Variants in CNTN4 observed in about 807,000 individuals in gnomAD.
The protein encoded by CNTN4 is contactin 4.
Under a neutral mutation model 122.5 loss-of-function variants are expected in CNTN4, and 77 were observed. That is an observed-to-expected ratio of 0.63 (90% CI 0.52 to 0.76). The LOEUF (loss-of-function observed/expected upper bound fraction) is 0.76. CNTN4 is among the 30% of genes least tolerant of loss of function. The pLI is 0.00. For missense variants in CNTN4, 1,256 were observed against 1,259.1 expected (o/e 1.00, Z 0.04); for synonymous variants, 512 against 447.0 (o/e 1.15, Z -1.83).
intron 8 of CNTN4, among the ~76,000 whole-genome samples, chr3:2,874,638 T>C (rs946481740): frequency 2.6e-5 from 4 of 152,182 alleles, no homozygotes; most frequent in African/African-American, 7.2e-5. Flanking sequence ...TTAAAGCAGA[T>C]TCACTTCAGT....
rs186513096 is a variant in CNTN4 at position 3,016,070 on chromosome 3, T to A, written c.1487-10032T>A. ...AACAGAAAACATTCTAATTATTATT[T>A]GATGAAAATGTTTCTCCGTGGGTAA... is the stretch of plus-strand genomic sequence containing the variant. On this transcript the variant is annotated intron_variant, in intron 14 of 24. Coordinates refer to ENST00000418658, the MANE Select transcript of CNTN4 (RefSeq NM_175607.3). 8.3e-4 allele frequency among the ~76,000 whole-genome samples: 126 copies of A among 152,346 alleles called. 3 individuals carry two copies. The highest frequency in any genetic ancestry group is 1.3e-3 in the East Asian group (7 of 5,190).
At chr3:2,561,629 A>G (rs186927023) in intron 3 of CNTN4, among the ~76,000 whole-genome samples, 57 of 152,164 alleles carry the variant, frequency 3.7e-4, no homozygotes, top group African/African-American at 1.3e-3. Flanking sequence ...ATCCAATTAT[A>G]TGGATTTTCT....
intron 7 of CNTN4, among the ~76,000 whole-genome samples, chr3:2,864,798 T>A (rs1265840400): frequency 6.7e-6 from 1 of 149,862 alleles, no homozygotes. Context: ...GAAATGTGAG[T>A]TGATTAGTAT....
At chr3:2,721,423 T>G (rs2087845079) in intron 4 of CNTN4, among the ~76,000 whole-genome samples, 1 of 152,274 alleles carries the variant, frequency 6.6e-6, no homozygotes, top group Middle Eastern at 3.4e-3. Context: ...AATACCTGCC[T>G]TAGCTTATAC....
intron 2 of CNTN4, among the ~76,000 whole-genome samples, chr3:2,102,979 G>C (rs2032113978): frequency 6.6e-6 from 1 of 150,980 alleles, no homozygotes; most frequent in Non-Finnish European, 1.5e-5. Flanking sequence ...AATAGAAGCA[G>C]TTAATACATA....
chr3:3,025,250 G>A (rs529078927), intron 14 of CNTN4, among the ~76,000 whole-genome samples: 4 of 152,148 alleles, frequency 2.6e-5, no homozygotes, highest in African/African-American at 4.8e-5. Flanking sequence ...ATTTTAAAGC[G>A]AATTGATGGT....
At chr3:2,204,298 A>G (rs962283068) in intron 2 of CNTN4, among the ~76,000 whole-genome samples, 1 of 152,202 alleles carries the variant, frequency 6.6e-6, no homozygotes, top group Non-Finnish European at 1.5e-5. Context: ...CAAACATTCA[A>G]TACCTTCAAC....
chr3:2,419,254 A>G (rs2047528888), intron 3 of CNTN4, among the ~76,000 whole-genome samples: 3 of 152,206 alleles, frequency 2.0e-5, no homozygotes, highest in Admixed American at 6.5e-5. Context: ...TCGAATGAAT[A>G]TAGGTAACAT....
intron 3 of CNTN4, among the ~76,000 whole-genome samples, chr3:2,454,058 T>G (rs1221617739): frequency 7.0e-6 from 1 of 142,812 alleles, no homozygotes; most frequent in Non-Finnish European, 1.5e-5. Flanking sequence ...CAGCCCCATA[T>G]TATAAGCAAA....
chr3:2,765,260 T>A (rs1052242348), intron 6 of CNTN4, among the ~76,000 whole-genome samples: 31 of 151,866 alleles, frequency 2.0e-4, no homozygotes, highest in Admixed American at 2.0e-3. Context: ...CTCGTACTTG[T>A]CGTCACTGAG....
chr3:2,517,073 A>C (rs76998031), intron 3 of CNTN4, among the ~76,000 whole-genome samples: 3 of 152,166 alleles, frequency 2.0e-5, no homozygotes, highest in Admixed American at 1.3e-4. Flanking sequence ...GACTAATTCA[A>C]AAATATTTTG....
At chr3:2,552,655 A>G (rs540746273) in intron 3 of CNTN4, among the ~76,000 whole-genome samples, 1 of 152,318 alleles carries the variant, frequency 6.6e-6, no homozygotes, top group South Asian at 2.1e-4. Flanking sequence ...TAGAAAAGTT[A>G]TCTCTTTGGA....
chr3:2,917,357 G>A (rs1378662122), intron 12 of CNTN4, among the ~76,000 whole-genome samples: 1 of 151,928 alleles, frequency 6.6e-6, no homozygotes, highest in Admixed American at 6.6e-5. Flanking sequence ...AGAGGGAGAC[G>A]GAGACGGAGA....
At chr3:2,729,241 G>A (rs897846982) in intron 4 of CNTN4, among the ~76,000 whole-genome samples, 5 of 152,130 alleles carry the variant, frequency 3.3e-5, no homozygotes, top group Non-Finnish European at 4.4e-5. Flanking sequence ...CTGCAGGGTA[G>A]TTTTTCTTCA....
intron 12 of CNTN4, among the ~76,000 whole-genome samples, chr3:2,906,743 C>T (rs1272433194): frequency 1.3e-5 from 2 of 151,052 alleles, no homozygotes; most frequent in Non-Finnish European, 2.9e-5. Flanking sequence ...ACTCGGGAGG[C>T]TGAGGCAGGA....
chr3:2,834,991 G>A (rs993684507), intron 7 of CNTN4, among the ~76,000 whole-genome samples: 1 of 132,722 alleles, frequency 7.5e-6, no homozygotes, highest in Non-Finnish European at 1.5e-5. Context: ...TGCCAGCTCC[G>A]CCTCCCGGGT....
intron 12 of CNTN4, among the ~76,000 whole-genome samples, chr3:2,919,048 G>A (rs184168684): frequency 3.6e-4 from 55 of 152,184 alleles, no homozygotes; most frequent in Admixed American, 3.2e-3. Context: ...ACAAAAGAAA[G>A]ATTGTTGCTT....
intron 2 of CNTN4, among the ~76,000 whole-genome samples, chr3:2,336,185 C>A (rs914875224): frequency 6.6e-6 from 1 of 151,748 alleles, no homozygotes; most frequent in Admixed American, 6.6e-5. Context: ...TATTCTCTTA[C>A]TGTTTTAGAT....
intron 13 of CNTN4, among the ~76,000 whole-genome samples, chr3:2,970,602 A>G (rs1692807829): frequency 6.6e-6 from 1 of 151,782 alleles, no homozygotes; most frequent in Admixed American, 6.6e-5. Flanking sequence ...GCACATCACT[A>G]CACCTGGCTA....
Sources: gnomAD v4.1 joint callset for allele counts (sites outside exome capture counted in the v4.1 genomes callset) on GRCh38, gnomAD v4.1.1 for gene constraint, MANE v1.5 for transcripts, NCBI Gene and HGNC (gene_info 2026-07-23, HGNC 2026-07-21) for gene names.